The following AKAP6 variants were observed in gnomAD, a reference collection of about 807,000 sequenced individuals.
AKAP6 encodes the protein A-kinase anchor protein 6.
AKAP6 carries 58 observed loss-of-function variants against 188.5 expected under a neutral mutation model. That is an observed-to-expected ratio of 0.31 (90% CI 0.25 to 0.38). The LOEUF is 0.38. AKAP6 is among the 10% of genes least tolerant of loss of function. The pLI, the probability that AKAP6 is intolerant of heterozygous loss-of-function variation, is 1.00. For synonymous variants in AKAP6, 989 were observed against 998.6 expected (o/e 0.99, Z 0.18); for missense variants, 2,710 against 2,740.0 (o/e 0.99, Z 0.24).
chr14:32,531,531 C>CT (rs954323292), intron 2 of AKAP6, among the ~76,000 whole-genome samples: 1 of 152,164 alleles, frequency 6.6e-6, no homozygotes, highest in Non-Finnish European at 1.5e-5. Flanking sequence ...AGTTGACTTT[C>CT]TTTTTGGTGT....
At chr14:32,403,372 G>C (rs980637220) in intron 1 of AKAP6, 1 of 152,194 alleles carries the variant, frequency 6.6e-6, no homozygotes, top group African/African-American at 2.4e-5. Flanking sequence ...GGATACCTCT[G>C]TTCCCATTTT....
At chr14:32,483,571 G>A (rs1025491885) in intron 2 of AKAP6, among the ~76,000 whole-genome samples, 1 of 151,920 alleles carries the variant, frequency 6.6e-6, no homozygotes, top group East Asian at 1.9e-4. Flanking sequence ...TGCAACCTCC[G>A]CCTCCCCGGT....
At chr14:32,535,923 G>C in intron 3 of AKAP6, 118 bp downstream of exon 3, 5 of 1,423,580 alleles carry the variant, frequency 3.5e-6, no homozygotes, top group Non-Finnish European at 4.7e-6. Flanking sequence ...GCCCTGATGG[G>C]CTTTGAATCT....
intron 12 of AKAP6, among the ~76,000 whole-genome samples, chr14:32,817,005 G>GA (rs1447832695): frequency 6.6e-6 from 1 of 151,708 alleles, no homozygotes; most frequent in African/African-American, 2.4e-5. Flanking sequence ...AGATTTTTTA[G>GA]AAAAAAATCT....
At chr14:32,818,062 T>A (rs2034431840) in intron 12 of AKAP6, among the ~76,000 whole-genome samples, 2 of 152,126 alleles carry the variant, frequency 1.3e-5, no homozygotes, top group African/African-American at 4.8e-5. Context: ...CAGAATTTAA[T>A]CCACAACAGG....
intron 2 of AKAP6, among the ~76,000 whole-genome samples, chr14:32,498,007 T>C (rs1186782834): frequency 1.3e-5 from 2 of 152,130 alleles, no homozygotes; most frequent in Non-Finnish European, 2.9e-5. Flanking sequence ...ATCTAAGGTA[T>C]TTATGTAAAA....
chr14:32,826,404 TA>T (rs1465774859), intron 13 of AKAP6, among the ~76,000 whole-genome samples: 1 of 152,016 alleles, frequency 6.6e-6, no homozygotes, highest in Non-Finnish European at 1.5e-5. Context: ...TAAGGGAGAG[TA>T]ACTGCAATTC....
chr14:32,734,867 G>A (rs1207146967), intron 10 of AKAP6, among the ~76,000 whole-genome samples: 2 of 152,058 alleles, frequency 1.3e-5, no homozygotes, highest in East Asian at 1.9e-4. Context: ...TAGGTTTAAT[G>A]CATCATTATA....
chr14:32,747,477 A>G (rs2139890394), intron 11 of AKAP6, among the ~76,000 whole-genome samples: 1 of 152,334 alleles, frequency 6.6e-6, no homozygotes, highest in Non-Finnish European at 1.5e-5. Context: ...TCATAGATAC[A>G]TTTAAAAAAA....
At chr14:32,644,722 C>G (rs1887914163) in intron 7 of AKAP6, among the ~76,000 whole-genome samples, 1 of 152,082 alleles carries the variant, frequency 6.6e-6, no homozygotes, top group Non-Finnish European at 1.5e-5. Flanking sequence ...TCTATTCTCT[C>G]TCCTCACCAA....
chr14:32,330,135 C>T (rs1367183356), intron 1 of AKAP6, among the ~76,000 whole-genome samples: 1 of 152,004 alleles, frequency 6.6e-6, no homozygotes, highest in African/African-American at 2.4e-5. Context: ...AACAAGTCTC[C>T]TCTCTGCGGC....
chr14:32,632,691 A>G (rs1887326746), intron 7 of AKAP6, among the ~76,000 whole-genome samples: 2 of 152,078 alleles, frequency 1.3e-5, no homozygotes. Flanking sequence ...AAGGACTTGA[A>G]AGCTATAAAT....
intron 9 of AKAP6, among the ~76,000 whole-genome samples, chr14:32,729,713 A>G (rs2031078292): frequency 6.6e-6 from 1 of 152,136 alleles, no homozygotes; most frequent in Non-Finnish European, 1.5e-5. Context: ...ATTTTTGACT[A>G]GACAGAGAGG....
intron 9 of AKAP6, among the ~76,000 whole-genome samples, chr14:32,723,467 A>G (rs1016897790): frequency 1.3e-5 from 2 of 152,196 alleles, no homozygotes; most frequent in African/African-American, 4.8e-5. Context: ...ATCCAGAGAC[A>G]TAGTTTGATC....
At chr14:32,610,381 G>T (rs567945422) in intron 7 of AKAP6, among the ~76,000 whole-genome samples, 61 of 152,160 alleles carry the variant, frequency 4.0e-4, no homozygotes, top group African/African-American at 1.4e-3. Context: ...CTTTGCTCTT[G>T]CTCATGGCTT....
At chr14:32,521,852 T>A (rs1881853309) in intron 2 of AKAP6, among the ~76,000 whole-genome samples, 1 of 152,160 alleles carries the variant, frequency 6.6e-6, no homozygotes, top group Non-Finnish European at 1.5e-5. Flanking sequence ...AAAGTTCATG[T>A]GCAACCAAAA....
chr14:32,398,999 A>G (rs1006733395), intron 1 of AKAP6, among the ~76,000 whole-genome samples: 1 of 151,436 alleles, frequency 6.6e-6, no homozygotes, highest in Non-Finnish European at 1.5e-5. Context: ...GGGACCAGGC[A>G]TGCCACCATA....
chr14:32,335,968 T>C (rs1332793084), intron 1 of AKAP6, among the ~76,000 whole-genome samples: 1 of 150,822 alleles, frequency 6.6e-6, no homozygotes, highest in Non-Finnish European at 1.5e-5. Context: ...TTATAGTCAA[T>C]ATTTATAATG....
chr14:32,539,716 T>A (rs1303916207), intron 3 of AKAP6, among the ~76,000 whole-genome samples: 1 of 152,186 alleles, frequency 6.6e-6, no homozygotes, highest in Non-Finnish European at 1.5e-5. Flanking sequence ...TTTTTGTATA[T>A]GTTTTCCCCT....
Sources: gnomAD v4.1 joint callset for allele counts (sites outside exome capture counted in the v4.1 genomes callset) on GRCh38, gnomAD v4.1.1 for gene constraint, MANE v1.5 for transcripts, NCBI Gene and HGNC (gene_info 2026-07-23, HGNC 2026-07-21) for gene names.